The following FHIT variants were observed in gnomAD, a reference collection of about 807,000 sequenced individuals.
FHIT encodes fragile histidine triad diadenosine triphosphatase.
In FHIT, 19 loss-of-function variants were observed where a neutral mutation model predicts 17.9. The observed-to-expected ratio is 1.06, with a 90% CI of 0.74 to 1.56. The LOEUF (loss-of-function observed/expected upper bound fraction) is 1.56. FHIT is among the 40% of genes most tolerant of loss of function. FHIT has a pLI of 0.00. For synonymous variants in FHIT, 81 were observed against 69.7 expected, an observed-to-expected ratio of 1.16 and a Z score of -0.81; for missense variants, 248 against 189.2, an observed-to-expected ratio of 1.31 and a Z score of -1.82.
intron 7 of FHIT, among the ~76,000 whole-genome samples, chr3:59,941,786 C>T (rs913705088): frequency 6.6e-6 from 1 of 152,108 alleles, no homozygotes; most frequent in Non-Finnish European, 1.5e-5. Context: ...TGAGGGCAAA[C>T]GCTCCCTGCT....
chr3:60,568,003 T>C (rs1279066929), intron 4 of FHIT, among the ~76,000 whole-genome samples: 1 of 152,174 alleles, frequency 6.6e-6, no homozygotes, highest in Non-Finnish European at 1.5e-5. Context: ...CTTTACAGTG[T>C]TGGTGGGACT....
intron 8 of FHIT, among the ~76,000 whole-genome samples, chr3:59,767,397 G>A (rs1424547611): frequency 6.6e-6 from 1 of 152,172 alleles, no homozygotes; most frequent in Non-Finnish European, 1.5e-5. Context: ...TATTCGGGAG[G>A]CTGAGGCAGG....
At chr3:60,939,864 C>T (rs1237953340) in intron 3 of FHIT, among the ~76,000 whole-genome samples, 1 of 152,100 alleles carries the variant, frequency 6.6e-6, no homozygotes, top group East Asian at 1.9e-4. Flanking sequence ...AGAAATTTAA[C>T]TTCTGGGTCT....
At chr3:59,882,614 T>C (rs934077256) in intron 8 of FHIT, among the ~76,000 whole-genome samples, 6 of 152,060 alleles carry the variant, frequency 3.9e-5, no homozygotes, top group Admixed American at 2.0e-4. Flanking sequence ...GCAAGGAAAG[T>C]AGGTGGAGGT....
In FHIT at chr3:60,512,711, T is replaced by C. The variant is rs374474559; in HGVS notation, c.103+24149A>G. The stretch of plus-strand genomic sequence containing the variant: ...GAGGCAAGGGGACAACATAACCTAT[T>C]TGGTGTCCTTGCCAAAAATGGTTTA... On this transcript the variant is annotated intron_variant, in intron 5 of 9. Transcript: ENST00000492590. Among the ~76,000 whole-genome samples the C allele has an allele frequency of 3.3e-5, 5 of 152,264 alleles. 1 individual carries two copies. Among genetic ancestry groups the C allele is most frequent in the Admixed American group, 6.5e-5 (1 of 15,288 alleles).
Position 59,792,641 on chromosome 3 carries a change from G to A in FHIT, c.349-40320C>T, listed in dbSNP as rs78959550. Among the ~76,000 whole-genome samples, 929 of 152,238 alleles carry A rather than the reference G, an allele frequency of 6.1e-3. 13 individuals are homozygous for A. Among genetic ancestry groups the A allele is most frequent in the African/African-American group, 0.021 (872 of 41,534 alleles). On this transcript the variant is annotated intron_variant, in intron 8 of 9. Transcript: ENST00000492590. The stretch of plus-strand genomic sequence containing the variant: ...TTAAAGGAAATTACAGATGTTAAAT[G>A]CTTAACAAGAATCTAGTACATAGTA...
intron 4 of FHIT, among the ~76,000 whole-genome samples, chr3:60,749,667 A>C (rs562344347): frequency 2.9e-4 from 44 of 152,364 alleles, no homozygotes; most frequent in African/African-American, 9.6e-4. Flanking sequence ...ATGCTGAATA[A>C]GACACAGCAG....
rs1361669502 is a variant in FHIT, at chr3:60,537,656, C to T, written c.-17-677G>A. 5.9e-5 allele frequency among the ~76,000 whole-genome samples: 9 copies of T among 152,198 alleles called. No homozygotes were observed. The South Asian group carries it at 1.9e-3, about 32-fold the overall frequency. On this transcript the variant is annotated intron_variant, in intron 4 of 9. Transcript: ENST00000492590. ...CTGCGTCTTCCTTTTGAGGGAAAGC[C>T]ATGGGGGGCCGGGGGCAGGAAAGGG...
intron 1 of FHIT, among the ~76,000 whole-genome samples, chr3:61,205,238 C>T (rs562238618): frequency 1.2e-3 from 176 of 151,976 alleles, no homozygotes; most frequent in African/African-American, 3.2e-3. Context: ...ACATTTGGGT[C>T]GGTTCCAAGT....
intron 7 of FHIT, among the ~76,000 whole-genome samples, chr3:59,981,381 G>T (rs1398206622): frequency 6.6e-6 from 1 of 152,120 alleles, no homozygotes; most frequent in African/African-American, 2.4e-5. Context: ...GGTTTCATAA[G>T]GCAAAGGGCC....
intron 3 of FHIT, among the ~76,000 whole-genome samples, chr3:60,852,665 A>G (rs1553748768): frequency 1.3e-5 from 2 of 152,062 alleles, no homozygotes; most frequent in East Asian, 3.9e-4. Context: ...GTATCAAGAA[A>G]GGATATAGTG....
rs566178652 is a variant in FHIT at position 60,456,363 on chromosome 3, T to G, written c.103+80497A>C. Among the ~76,000 whole-genome samples the G allele has an allele frequency of 2.6e-5, 4 of 152,236 alleles. No individual in the cohort carries two copies. The East Asian group carries it at 7.7e-4, about 29-fold the overall frequency. On this transcript the variant is annotated intron_variant, in intron 5 of 9. Transcript: ENST00000492590. ...TCTGCCACATTCACTCCCACACACT[T>G]CCCCAAACCAGAATTGAATTGTTAC...
At chr3:60,755,650 C>G (rs2042556933) in intron 4 of FHIT, among the ~76,000 whole-genome samples, 1 of 152,020 alleles carries the variant, frequency 6.6e-6, no homozygotes, top group African/African-American at 2.4e-5. Flanking sequence ...TTATAGGTAA[C>G]AAAAATAAAG....
At chr3:60,727,104 A>C (rs2041931577) in intron 4 of FHIT, among the ~76,000 whole-genome samples, 1 of 152,198 alleles carries the variant, frequency 6.6e-6, no homozygotes, top group Non-Finnish European at 1.5e-5. Flanking sequence ...CTTAGTGAGT[A>C]TTGCTTTATC....
chr3:61,215,525 C>T (rs1396940757), intron 1 of FHIT, among the ~76,000 whole-genome samples: 1 of 152,196 alleles, frequency 6.6e-6, no homozygotes, highest in Non-Finnish European at 1.5e-5. Flanking sequence ...ACATTCTATG[C>T]TCATGGGTAG....
chr3:60,863,775 A>T (rs1553753228), intron 3 of FHIT, among the ~76,000 whole-genome samples: 1 of 152,208 alleles, frequency 6.6e-6, no homozygotes, highest in East Asian at 1.9e-4. Context: ...TAATGCAAAG[A>T]ACATAATAAA....
chr3:60,679,962 C>T (rs1253599791), intron 4 of FHIT, among the ~76,000 whole-genome samples: 4 of 151,686 alleles, frequency 2.6e-5, no homozygotes, highest in Non-Finnish European at 5.9e-5. Flanking sequence ...TTTTGCTTTT[C>T]GAAAATCGTC....
intron 3 of FHIT, chr3:60,912,898 G>A (rs1575680129): frequency 4.9e-6 from 2 of 405,620 alleles, no homozygotes; most frequent in East Asian, 1.4e-4. Context: ...ATGTGTATGT[G>A]CAAGTACATG....
chr3:61,133,471 A>G (rs911333759), intron 2 of FHIT, among the ~76,000 whole-genome samples: 1 of 152,212 alleles, frequency 6.6e-6, no homozygotes, highest in African/African-American at 2.4e-5. Context: ...AAAAGGGGAA[A>G]ATAGGGAGAA....
Sources: allele counts gnomAD v4.1 joint callset (sites outside exome capture counted in the v4.1 genomes callset), GRCh38; gene constraint gnomAD v4.1.1; transcripts MANE v1.5; gene names NCBI Gene and HGNC (gene_info 2026-07-23, HGNC 2026-07-21).